The following NRXN1 variants were observed in gnomAD, a reference collection of about 807,000 sequenced individuals.
NRXN1 encodes the protein neurexin-1.
NRXN1 carries 39 observed loss-of-function variants against 150.9 expected under a neutral mutation model. That is an observed-to-expected ratio of 0.26 (90% CI 0.20 to 0.34). The LOEUF is 0.34. Among genes scored for constraint, NRXN1 ranks in the 10% least tolerant of loss-of-function variants. The pLI is 1.00. For missense variants in NRXN1, 1,815 were observed against 1,949.9 expected, an observed-to-expected ratio of 0.93 and a Z score of 1.30; for synonymous variants, 924 against 757.0, an observed-to-expected ratio of 1.22 and a Z score of -3.62.
chr2:50,935,690 G>A (rs1688436410), intron 2 of NRXN1, among the ~76,000 whole-genome samples: 1 of 151,848 alleles, frequency 6.6e-6, no homozygotes, highest in African/African-American at 2.4e-5. Flanking sequence ...TCACACCACT[G>A]CACTCCAGCC....
chr2:50,620,237 A>T (rs1679763790), intron 7 of NRXN1, 54 bp from the exon 8 acceptor site: 2 of 1,547,572 alleles, frequency 1.3e-6, no homozygotes, highest in Non-Finnish European at 1.8e-6. Context: ...TAGATACTGT[A>T]ATCCTGGGAT....
intron 17 of NRXN1, among the ~76,000 whole-genome samples, chr2:50,420,088 T>C (rs1307179760): frequency 1.3e-5 from 2 of 152,032 alleles, no homozygotes; most frequent in African/African-American, 4.8e-5. Context: ...AATTCTCCTC[T>C]TTTTACAAAA....
intron 5 of NRXN1, among the ~76,000 whole-genome samples, chr2:50,835,575 A>G (rs192839905): frequency 1.5e-3 from 221 of 152,340 alleles, no homozygotes; most frequent in Admixed American, 2.3e-3. Flanking sequence ...ATGCCAGCAC[A>G]TGACATTTGC....
At chr2:50,297,597 T>G (rs368197289) in intron 17 of NRXN1, among the ~76,000 whole-genome samples, 1 of 152,208 alleles carries the variant, frequency 6.6e-6, no homozygotes, top group Admixed American at 6.5e-5. Flanking sequence ...TTGCATTCTC[T>G]TTTCACTCTG....
At chr2:50,614,348 G>C (rs1425450243) in intron 8 of NRXN1, among the ~76,000 whole-genome samples, 6 of 152,094 alleles carry the variant, frequency 3.9e-5, no homozygotes, top group Non-Finnish European at 7.4e-5. Flanking sequence ...GTTCCTGCTA[G>C]GTTAATTTAT....
At chr2:50,432,107 T>A (rs1445319626) in intron 17 of NRXN1, among the ~76,000 whole-genome samples, 1 of 152,130 alleles carries the variant, frequency 6.6e-6, no homozygotes, top group Non-Finnish European at 1.5e-5. Flanking sequence ...CCTAGTTCAT[T>A]TCAGGGAGTG....
chr2:50,074,107 A>G (rs1482828011), intron 19 of NRXN1, among the ~76,000 whole-genome samples: 3 of 152,182 alleles, frequency 2.0e-5, no homozygotes, highest in Non-Finnish European at 4.4e-5. Context: ...ATAGGTTGCC[A>G]GATTTTTTGA....
At chr2:50,656,164 C>G (rs1273879093) in intron 5 of NRXN1, among the ~76,000 whole-genome samples, 1 of 151,916 alleles carries the variant, frequency 6.6e-6, no homozygotes, top group Non-Finnish European at 1.5e-5. Context: ...CTCAGACTTA[C>G]CCCACCTCTC....
At chr2:50,487,625 A>T (rs898132998) in intron 15 of NRXN1, among the ~76,000 whole-genome samples, 1 of 152,170 alleles carries the variant, frequency 6.6e-6, no homozygotes, top group Non-Finnish European at 1.5e-5. Context: ...GTCTATTTCC[A>T]TGTTGACCCA....
At chr2:50,042,738 A>G (rs1473349371) in intron 21 of NRXN1, among the ~76,000 whole-genome samples, 1 of 152,150 alleles carries the variant, frequency 6.6e-6, no homozygotes, top group South Asian at 2.1e-4. Flanking sequence ...CAAAAAAAAA[A>G]CTTAAGGTTA....
chr2:50,309,950 C>A (rs769974498), intron 17 of NRXN1, among the ~76,000 whole-genome samples: 2 of 152,070 alleles, frequency 1.3e-5, no homozygotes, highest in Non-Finnish European at 2.9e-5. Context: ...TGGAATGGAC[C>A]CTCCTTCCAA....
chr2:50,158,183 A>G (rs2059143447), intron 18 of NRXN1, among the ~76,000 whole-genome samples: 1 of 150,990 alleles, frequency 6.6e-6, no homozygotes, highest in African/African-American at 2.4e-5. Context: ...CTGATCCATA[A>G]TTTCTAAAAG....
intron 21 of NRXN1, among the ~76,000 whole-genome samples, chr2:49,986,637 TAC>T (rs777915576): frequency 6.6e-6 from 1 of 152,234 alleles, no homozygotes; most frequent in Non-Finnish European, 1.5e-5. Flanking sequence ...ATTTATGAGA[TAC>T]AGAGTGATAT....
At chr2:50,571,489 T>G (rs138478511) in intron 8 of NRXN1, among the ~76,000 whole-genome samples, 144 of 152,308 alleles carry the variant, frequency 9.5e-4, no homozygotes, top group Middle Eastern at 3.4e-3. Flanking sequence ...GTACTATCTC[T>G]GTCCTTGTTG....
chr2:50,238,474 T>C (rs1050823317), intron 17 of NRXN1, among the ~76,000 whole-genome samples: 3 of 152,006 alleles, frequency 2.0e-5, no homozygotes, highest in African/African-American at 7.2e-5. Context: ...TTATACATAA[T>C]AAGAGAAAAT....
chr2:50,856,305 A>C (rs774945705), intron 5 of NRXN1, among the ~76,000 whole-genome samples: 12 of 152,114 alleles, frequency 7.9e-5, no homozygotes, highest in Non-Finnish European at 1.6e-4. Flanking sequence ...ATCATTTCTC[A>C]CTTACTGGTA....
intron 17 of NRXN1, 71 bp downstream of exon 17, chr2:50,465,371 T>C: frequency 6.9e-7 from 1 of 1,454,928 alleles, no homozygotes; most frequent in Non-Finnish European, 9.3e-7. Context: ...ACTTTCAGTG[T>C]TAGACTTTAG....
chr2:50,664,372 C>T (rs929525893), intron 5 of NRXN1, among the ~76,000 whole-genome samples: 1 of 128,926 alleles, frequency 7.8e-6, no homozygotes, highest in Non-Finnish European at 1.6e-5. Flanking sequence ...TAAAAATAAA[C>T]TTTTGAGAAT....
Position 50,475,554 on chromosome 2 carries a change from T to C in NRXN1, c.3071-3083A>G, listed in dbSNP as rs549652055. On this transcript the variant is annotated intron_variant, in intron 15 of 22. Coordinates refer to ENST00000401669, the MANE Select transcript of NRXN1 (RefSeq NM_001330078.2). ...TGTAAAGCTTATTGAAGAGAACTAG[T>C]AATCTTTCCCTTGAGTTACTAAAGA... Among the ~76,000 whole-genome samples, 3 of 152,210 alleles carry C rather than the reference T, an allele frequency of 2.0e-5. No individual in the cohort carries two copies. The East Asian group carries it at 5.8e-4, about 29-fold the overall frequency.
Sources: gnomAD v4.1 joint callset for allele counts (sites outside exome capture counted in the v4.1 genomes callset) on GRCh38, gnomAD v4.1.1 for gene constraint, MANE v1.5 for transcripts, NCBI Gene and HGNC (gene_info 2026-07-23, HGNC 2026-07-21) for gene names.